The following SHC4 variants were observed in gnomAD, a reference collection of about 807,000 sequenced individuals.
SHC4 encodes SHC-transforming protein 4.
A neutral mutation model predicts 69.4 loss-of-function variants in SHC4; 41 were observed. The observed-to-expected ratio is 0.59, with a 90% CI of 0.46 to 0.77. SHC4 has a LOEUF of 0.77. SHC4 is among the 30% of genes least tolerant of loss of function. The probability of loss-of-function intolerance (pLI) is 0.00; values close to 1 mark genes in which losing one functional copy is unlikely to be tolerated. For synonymous variants in SHC4, 318 were observed against 299.3 expected (o/e 1.06, Z -0.64); for missense variants, 777 against 783.8 (o/e 0.99, Z 0.10).
At chr15:48,876,576 C>A in intron 4 of SHC4, 1 of 696,890 alleles carries the variant, frequency 1.4e-6, no homozygotes, top group South Asian at 1.5e-5. Context: ...AATAGGCTGT[C>A]TGCAGGCTAA....
chr15:48,828,867 A>AT (rs1185023506), intron 11 of SHC4, among the ~76,000 whole-genome samples: 1 of 151,872 alleles, frequency 6.6e-6, no homozygotes. Flanking sequence ...GGTTGCTTTT[A>AT]TTTTTTTGCT....
At chr15:48,911,411 A>G (rs548151383) in intron 2 of SHC4, among the ~76,000 whole-genome samples, 2 of 152,266 alleles carry the variant, frequency 1.3e-5, no homozygotes, top group Admixed American at 1.3e-4. Context: ...ATCCATTTGC[A>G]TGAAATGGTT....
chr15:48,847,747 A>G (rs541273808), intron 9 of SHC4, among the ~76,000 whole-genome samples: 37 of 152,108 alleles, frequency 2.4e-4, no homozygotes, highest in Non-Finnish European at 4.7e-4. Flanking sequence ...TCACGCCTGT[A>G]ATCCCAGCAC....
intron 2 of SHC4, among the ~76,000 whole-genome samples, chr15:48,900,368 G>A (rs952583557): frequency 6.6e-6 from 1 of 152,022 alleles, no homozygotes; most frequent in African/African-American, 2.4e-5. Context: ...GTAGCCGGAA[G>A]TGGTGGTGGG....
intron 2 of SHC4, among the ~76,000 whole-genome samples, chr15:48,919,389 C>A (rs1253964149): frequency 7.1e-6 from 1 of 141,606 alleles, no homozygotes; most frequent in Non-Finnish European, 1.5e-5. Context: ...CAGCTTTGAC[C>A]TTCCAGGCTC....
chr15:48,898,083 T>G (rs1900256139), intron 2 of SHC4, among the ~76,000 whole-genome samples: 1 of 152,220 alleles, frequency 6.6e-6, no homozygotes, highest in South Asian at 2.1e-4. Context: ...CCATGTGGTA[T>G]CATGCTGTTC....
At chr15:48,913,710 C>T (rs750184363) in intron 2 of SHC4, among the ~76,000 whole-genome samples, 1 of 152,128 alleles carries the variant, frequency 6.6e-6, no homozygotes, top group Non-Finnish European at 1.5e-5. Context: ...GTCACCCTCC[C>T]GATGGATCCC....
At chr15:48,874,823 T>C (rs910293889) in intron 4 of SHC4, among the ~76,000 whole-genome samples, 2 of 152,200 alleles carry the variant, frequency 1.3e-5, no homozygotes, top group Admixed American at 6.5e-5. Context: ...TGTACTTCAG[T>C]TGTACAGCTG....
chr15:48,856,234 T>C (rs976101046), intron 7 of SHC4, 110 bp from the exon 8 acceptor site: 2 of 1,053,186 alleles, frequency 1.9e-6, no homozygotes, highest in Admixed American at 4.8e-5. Flanking sequence ...TGCATTCATG[T>C]TTTCAGTTTA....
intron 2 of SHC4, among the ~76,000 whole-genome samples, chr15:48,918,898 T>C (rs1900681245): frequency 1.3e-5 from 2 of 152,202 alleles, no homozygotes; most frequent in Non-Finnish European, 2.9e-5. Flanking sequence ...CCTTCTTTGA[T>C]GGGGTTTTTC....
intron 1 of SHC4, among the ~76,000 whole-genome samples, chr15:48,941,857 T>C (rs1018953458): frequency 6.6e-6 from 1 of 152,168 alleles, no homozygotes. Context: ...ATAGTTCACA[T>C]TGTATTCATT....
At chr15:48,880,981 T>TGAGA (rs146571045) in intron 4 of SHC4, among the ~76,000 whole-genome samples, 3 of 114,276 alleles carry the variant, frequency 2.6e-5, no homozygotes, top group African/African-American at 4.0e-5. Context: ...ATGATGTGTG[T>TGAGA]GAGAGTGTGT....
At chr15:48,877,320 T>C in intron 4 of SHC4, 1 of 649,642 alleles carries the variant, frequency 1.5e-6, no homozygotes, top group Non-Finnish European at 1.9e-6. Context: ...GTGAGTTGTA[T>C]AATTCTACAT....
At chr15:48,899,165 A>G (rs1009021940) in intron 2 of SHC4, among the ~76,000 whole-genome samples, 2 of 152,148 alleles carry the variant, frequency 1.3e-5, no homozygotes, top group Admixed American at 1.3e-4. Flanking sequence ...TTGGAATTTT[A>G]AAGATATTTA....
intron 1 of SHC4, among the ~76,000 whole-genome samples, chr15:48,925,995 G>C (rs1330991273): frequency 6.6e-6 from 1 of 152,170 alleles, no homozygotes; most frequent in Non-Finnish European, 1.5e-5. Flanking sequence ...GTAGCAGAGG[G>C]AACAGTGATG....
intron 2 of SHC4, among the ~76,000 whole-genome samples, chr15:48,915,733 C>T (rs1900607730): frequency 1.3e-5 from 2 of 152,246 alleles, no homozygotes; most frequent in African/African-American, 4.8e-5. Context: ...AACAATGCAA[C>T]CTGTTTTAAT....
chr15:48,912,455 T>G (rs1033490466), intron 2 of SHC4, among the ~76,000 whole-genome samples: 1 of 152,232 alleles, frequency 6.6e-6, no homozygotes, highest in East Asian at 1.9e-4. Context: ...TCTTTTTCTT[T>G]AAGCTATCTA....
intron 9 of SHC4, among the ~76,000 whole-genome samples, 164 bp downstream of exon 9, chr15:48,851,024 T>C (rs999098146): frequency 3.3e-5 from 5 of 152,190 alleles, no homozygotes; most frequent in Admixed American, 3.3e-4. Context: ...GTGACACATA[T>C]GCAACATTCT....
intron 2 of SHC4, among the ~76,000 whole-genome samples, chr15:48,901,924 G>A (rs769018721): frequency 6.6e-6 from 1 of 151,938 alleles, no homozygotes; most frequent in African/African-American, 2.4e-5. Flanking sequence ...GGTCTAGGCC[G>A]GGTGCAGTGG....
Sources: allele counts gnomAD v4.1 joint callset (sites outside exome capture counted in the v4.1 genomes callset), GRCh38; gene constraint gnomAD v4.1.1; transcripts MANE v1.5; gene names NCBI Gene and HGNC (gene_info 2026-07-23, HGNC 2026-07-21).